GRID1: variants seen among roughly 807,000 people sequenced by gnomAD.
The protein encoded by GRID1 is glutamate ionotropic receptor delta type subunit 1.
Under a neutral mutation model 98.0 loss-of-function variants are expected in GRID1, and 28 were observed. The ratio of observed to expected loss-of-function variants is 0.29; its 90% CI spans 0.21 to 0.39. The LOEUF (loss-of-function observed/expected upper bound fraction) is 0.39. Among genes scored for constraint, GRID1 ranks in the 10% least tolerant of loss-of-function variants. The pLI is 1.00. For synonymous variants in GRID1, 553 were observed against 538.5 expected (o/e 1.03, Z -0.37); for missense variants, 1,111 against 1,340.5 (o/e 0.83, Z 2.67).
intron 4 of GRID1, among the ~76,000 whole-genome samples, chr10:86,095,048 C>T (rs771719679): frequency 6.6e-6 from 1 of 152,066 alleles, no homozygotes; most frequent in Non-Finnish European, 1.5e-5. Context: ...CCCAAATACT[C>T]ACAGCCAACT....
At chr10:85,955,628 A>G (rs1270209048) in intron 4 of GRID1, among the ~76,000 whole-genome samples, 2 of 152,182 alleles carry the variant, frequency 1.3e-5, no homozygotes, top group African/African-American at 4.8e-5. Context: ...ATAAGAAACA[A>G]CTAGCAACTG....
At chr10:86,210,976 C>G (rs1846099463) in intron 2 of GRID1, among the ~76,000 whole-genome samples, 1 of 152,224 alleles carries the variant, frequency 6.6e-6, no homozygotes, top group African/African-American at 2.4e-5. Context: ...CCGGGGCCTG[C>G]CCTGGTCACA....
At chr10:86,357,340 G>C (rs770918882) in intron 2 of GRID1, among the ~76,000 whole-genome samples, 3 of 152,210 alleles carry the variant, frequency 2.0e-5, no homozygotes, top group Non-Finnish European at 2.9e-5. Flanking sequence ...TCACAGGCCA[G>C]CCCAGGACTA....
At chr10:86,353,683 G>A (rs542573548) in intron 2 of GRID1, among the ~76,000 whole-genome samples, 2 of 152,224 alleles carry the variant, frequency 1.3e-5, no homozygotes, top group Non-Finnish European at 2.9e-5. Flanking sequence ...CTGTGATAAG[G>A]AGAGACCCAC....
intron 8 of GRID1, among the ~76,000 whole-genome samples, chr10:85,769,195 C>T (rs886620219): frequency 6.6e-6 from 1 of 152,190 alleles, no homozygotes; most frequent in East Asian, 1.9e-4. Flanking sequence ...GGAATAAAAT[C>T]ATGTCCTTTG....
intron 12 of GRID1, among the ~76,000 whole-genome samples, chr10:85,673,950 A>G (rs1312685632): frequency 6.6e-6 from 1 of 151,896 alleles, no homozygotes; most frequent in African/African-American, 2.4e-5. Context: ...TGCAATATTC[A>G]CTTTATTAAG....
chr10:85,982,565 G>A (rs1842559192), intron 4 of GRID1, among the ~76,000 whole-genome samples: 1 of 152,106 alleles, frequency 6.6e-6, no homozygotes, highest in Non-Finnish European at 1.5e-5. Context: ...AGGTGGGGAG[G>A]GGACCCATGG....
At chr10:86,058,527 A>G (rs1423692567) in intron 4 of GRID1, among the ~76,000 whole-genome samples, 2 of 152,226 alleles carry the variant, frequency 1.3e-5, no homozygotes, top group African/African-American at 4.8e-5. Flanking sequence ...GAAAGAAGTG[A>G]CACATTGTAT....
chr10:85,905,040 C>A (rs985854375), intron 5 of GRID1, among the ~76,000 whole-genome samples: 2 of 151,274 alleles, frequency 1.3e-5, no homozygotes, highest in Non-Finnish European at 2.9e-5. Flanking sequence ...GGCACACACA[C>A]AAAAATAAAA....
At chr10:86,217,466 G>C (rs1846191495) in intron 2 of GRID1, among the ~76,000 whole-genome samples, 1 of 152,208 alleles carries the variant, frequency 6.6e-6, no homozygotes, top group Admixed American at 6.5e-5. Flanking sequence ...ATGGGATCCT[G>C]TTTTTAGAGA....
chr10:85,864,895 A>G (rs1176986331), intron 6 of GRID1, among the ~76,000 whole-genome samples: 1 of 152,220 alleles, frequency 6.6e-6, no homozygotes, highest in East Asian at 1.9e-4. Flanking sequence ...CAGTGACCAC[A>G]CAACACAGTT....
chr10:85,898,972 G>A (rs1041953572), intron 5 of GRID1, among the ~76,000 whole-genome samples: 3 of 152,172 alleles, frequency 2.0e-5, no homozygotes, highest in Admixed American at 6.6e-5. Context: ...AGCACAGTAG[G>A]TTTGTTTATA....
Position 86,276,908 on chromosome 10 carries a change from T to C in GRID1, c.236-70260A>G, listed in dbSNP as rs544306430. Among the ~76,000 whole-genome samples the C allele has an allele frequency of 2.6e-5, 4 of 152,202 alleles. No homozygotes were observed. The South Asian group carries it at 8.3e-4, about 32-fold the overall frequency. ...AACTCAAGAGTTCTAAATCCAGCAA[T>C]ACTGTCCTTTTTCAAAAGAGAGAGC... On this transcript the variant is annotated intron_variant, in intron 2 of 15. Transcript: ENST00000327946.
intron 2 of GRID1, among the ~76,000 whole-genome samples, chr10:86,208,281 G>A (rs1398671772): frequency 1.1e-4 from 16 of 152,130 alleles, no homozygotes. Flanking sequence ...CCGGCAGGGG[G>A]TAGCTAAACA....
At chr10:86,083,684 G>A (rs907869586) in intron 4 of GRID1, among the ~76,000 whole-genome samples, 5 of 152,164 alleles carry the variant, frequency 3.3e-5, no homozygotes, top group Non-Finnish European at 7.3e-5. Flanking sequence ...AAGTTATGTC[G>A]CTATCTTCAT....
chr10:85,980,168 C>T lies in GRID1; in HGVS notation c.727-63929G>A, dbSNP rs1380194854. 2.6e-5 allele frequency among the ~76,000 whole-genome samples: 4 copies of T among 152,322 alleles called. No individual in the cohort carries two copies. In the South Asian group the frequency reaches 6.2e-4, roughly 24 times the overall value. Reference sequence around the variant, plus strand: ...ACCTGATAACAATGAATTTCTCTTACCCGTCAGACCCCAGCTGGATGGGCT... The same window carrying T: ...ACCTGATAACAATGAATTTCTCTTATCCGTCAGACCCCAGCTGGATGGGCT... On this transcript the variant is annotated intron_variant, in intron 4 of 15. Coordinates refer to ENST00000327946, the MANE Select transcript of GRID1 (RefSeq NM_017551.3).
intron 4 of GRID1, among the ~76,000 whole-genome samples, chr10:86,121,728 T>G (rs1031174555): frequency 2.6e-5 from 4 of 152,206 alleles, no homozygotes; most frequent in African/African-American, 9.7e-5. Context: ...TTCAAATGAC[T>G]GTCTTGTTAA....
At chr10:86,338,755 G>A (rs563022205) in intron 2 of GRID1, among the ~76,000 whole-genome samples, 2 of 152,168 alleles carry the variant, frequency 1.3e-5, no homozygotes, top group Admixed American at 1.3e-4. Context: ...ACAGGGTTTC[G>A]CCATGTTGGT....
intron 2 of GRID1, among the ~76,000 whole-genome samples, chr10:86,243,929 G>A (rs1846678442): frequency 6.6e-6 from 1 of 152,182 alleles, no homozygotes; most frequent in South Asian, 2.1e-4. Flanking sequence ...TGCCACACAT[G>A]TGCACACAAG....
Sources: gnomAD v4.1 joint callset for allele counts (sites outside exome capture counted in the v4.1 genomes callset) on GRCh38, gnomAD v4.1.1 for gene constraint, MANE v1.5 for transcripts, NCBI Gene and HGNC (gene_info 2026-07-23, HGNC 2026-07-21) for gene names.